The following LITAF variants were observed in gnomAD, a reference collection of about 807,000 sequenced individuals.
LITAF encodes lipopolysaccharide-induced tumor necrosis factor-alpha factor.
In LITAF, 9 loss-of-function variants were observed where a neutral mutation model predicts 14.5. That is an observed-to-expected ratio of 0.62 (90% confidence interval 0.37 to 1.08). The LOEUF (loss-of-function observed/expected upper bound fraction) is 1.08. LITAF is among the 50% of genes least tolerant of loss of function. The pLI, the probability that LITAF is intolerant of heterozygous loss-of-function variation, is 0.01. For missense variants in LITAF, 206 were observed against 213.4 expected (o/e 0.97, Z 0.22); for synonymous variants, 98 against 88.2 (o/e 1.11, Z -0.62).
At chr16:11,624,602 T>C (rs2065072202) in intron 3 of LITAF, among the ~76,000 whole-genome samples, 1 of 152,232 alleles carries the variant, frequency 6.6e-6, no homozygotes, top group Non-Finnish European at 1.5e-5. Context: ...GTTGCACAGG[T>C]TGTGCACTGC....
At chr16:11,621,377 A>G (rs2065050211) in intron 3 of LITAF, among the ~76,000 whole-genome samples, 1 of 151,360 alleles carries the variant, frequency 6.6e-6, no homozygotes, top group Non-Finnish European at 1.5e-5. Context: ...GCCAATTTTT[A>G]TATGTTTTGC....
chr16:11,638,479 C>A (rs1041922238), upstream of LITAF, among the ~76,000 whole-genome samples: 3 of 151,716 alleles, frequency 2.0e-5, no homozygotes, highest in African/African-American at 7.3e-5. Flanking sequence ...GAGGCAGGCG[C>A]ATCACGAGAT....
chr16:11,596,043 T>C (rs2064883039), intron 1 of LITAF, among the ~76,000 whole-genome samples: 2 of 152,158 alleles, frequency 1.3e-5, no homozygotes. Flanking sequence ...GGACAGTCCC[T>C]GGTCACCGTC....
chr16:11,552,186 C>CA (rs1220817958), intron 3 of LITAF, among the ~76,000 whole-genome samples: 1 of 152,192 alleles, frequency 6.6e-6, no homozygotes, highest in African/African-American at 2.4e-5. Flanking sequence ...CTGAAACTCA[C>CA]AAACACCGTT....
At position 11,556,175 on chromosome 16, in the gene LITAF, G is replaced by A. The variant is rs138357390; in HGVS notation, c.220+336C>T. 1.1e-3 allele frequency: 519 copies of A among 458,674 alleles called. 2 individuals are homozygous for A. Among genetic ancestry groups the A allele is most frequent in the African/African-American group, 7.2e-3 (368 of 51,162 alleles). 28.4% of individuals were successfully genotyped at this position (458,674 alleles called of 1,614,324 possible). On this transcript the variant is annotated intron_variant, in intron 2 of 3. Coordinates refer to ENST00000622633, the MANE Select transcript of LITAF (RefSeq NM_001136472.2). ...CCTCGGCCCTGGCCTCAGGGCAGAA[G>A]TTCTGCATCAGACCTCAGGAGGAAG...
At chr16:11,576,235 G>C (rs565524917) in intron 1 of LITAF, among the ~76,000 whole-genome samples, 219 of 152,140 alleles carry the variant, frequency 1.4e-3, no homozygotes, top group African/African-American at 5.0e-3. Context: ...TTGGGAGGCC[G>C]AGGCGGGTGA....
Position 11,549,317 on chromosome 16 carries a change from T to C in LITAF, c.*320A>G. ...GGAAGCAGGAAAAAAGAGCCACTGATGGCAGATCACAGGAAGATATTCGGA... is the reference window on the plus strand; with the variant it reads ...GGAAGCAGGAAAAAAGAGCCACTGACGGCAGATCACAGGAAGATATTCGGA... On this transcript the variant is annotated 3_prime_UTR_variant, in exon 4 of 4. Coordinates refer to ENST00000622633, the MANE Select transcript of LITAF (RefSeq NM_001136472.2). The surrounding 1 kb of genome is among the most constrained non-coding windows in gnomAD (Gnocchi z 4.6). 2.2e-6 allele frequency: 1 copy of C among 457,392 alleles called. No homozygotes were observed. 28.3% of individuals were successfully genotyped at this position (457,392 alleles called of 1,614,324 possible).
At chr16:11,631,908 A>G (rs8047735) in intron 3 of LITAF, among the ~76,000 whole-genome samples, 74,874 of 149,850 alleles carry the variant, frequency 0.5, 22,001 homozygotes, top group African/African-American at 0.83. Context: ...GGAGTGCAAC[A>G]GCACAATCTC....
At chr16:11,585,440 G>A (rs2064792328) in intron 1 of LITAF, among the ~76,000 whole-genome samples, 1 of 152,144 alleles carries the variant, frequency 6.6e-6, no homozygotes, top group Non-Finnish European at 1.5e-5. Flanking sequence ...TGCACATTTA[G>A]TTCCCAGAGC....
At chr16:11,574,392 G>A (rs1046111432) in intron 1 of LITAF, among the ~76,000 whole-genome samples, 1 of 152,118 alleles carries the variant, frequency 6.6e-6, no homozygotes, top group South Asian at 2.1e-4. Flanking sequence ...GCATACATAA[G>A]AAACTTAACG....
intron 3 of LITAF, among the ~76,000 whole-genome samples, chr16:11,604,329 T>G (rs1461069546): frequency 6.6e-6 from 1 of 152,212 alleles, no homozygotes; most frequent in African/African-American, 2.4e-5. Flanking sequence ...CATGAGCCCC[T>G]GTGAAGCAAG....
intron 3 of LITAF, among the ~76,000 whole-genome samples, chr16:11,628,819 G>A (rs1281769212): frequency 1.3e-5 from 2 of 152,120 alleles, no homozygotes; most frequent in Admixed American, 1.3e-4. Context: ...TGGGATTTCA[G>A]GCGCACACCA....
chr16:11,636,874 C>CTT (rs58560112), upstream of LITAF, among the ~76,000 whole-genome samples: 3 of 144,462 alleles, frequency 2.1e-5, no homozygotes, highest in Non-Finnish European at 3.1e-5. Context: ...ATTTATTTTT[C>CTT]TTTTTTTTTT....
rs1039153354 is a variant in LITAF at position 11,634,306 on chromosome 16, T to G, written c.-20-669A>C. 2.6e-5 allele frequency among the ~76,000 whole-genome samples: 4 copies of G among 152,210 alleles called. No individual in the cohort carries two copies. The highest frequency in any genetic ancestry group is 9.7e-5 in the African/African-American group (4 of 41,446). ...ACTCTGGGGAACATTTAGTTTACAG[T>G]TTAAGTGATACTTTTGTTTTTAGTG... On this transcript the variant is annotated intron_variant, in intron 2 of 3. Coordinates refer to the LITAF transcript ENST00000574848. This position sits in a 1 kb window ranked among gnomAD's most constrained non-coding sequence, Gnocchi z 4.1.
intron 3 of LITAF, among the ~76,000 whole-genome samples, chr16:11,552,759 C>T (rs914902070): frequency 2.6e-5 from 4 of 152,080 alleles, no homozygotes; most frequent in East Asian, 1.9e-4. Flanking sequence ...TAGCATTAAG[C>T]GGGTGGGGGC....
intron 1 of LITAF, chr16:11,561,026 A>G (rs1420083363): frequency 6.6e-6 from 1 of 152,204 alleles, no homozygotes. Context: ...AAAGGGAACG[A>G]CAGGGCACCC....
chr16:11,576,689 A>G (rs6498227), intron 1 of LITAF, among the ~76,000 whole-genome samples: 116,553 of 152,044 alleles, frequency 0.77, 45,383 homozygotes, highest in African/African-American at 0.89. Context: ...ACAATTTGCT[A>G]CTTCAAAGCC....
chr16:11,575,247 CA>C (rs2064613357), intron 1 of LITAF, among the ~76,000 whole-genome samples: 1 of 152,130 alleles, frequency 6.6e-6, no homozygotes, highest in South Asian at 2.1e-4. Context: ...AGTCAACCAA[CA>C]GGGGCAGATG....
At chr16:11,598,779 G>C (rs922518240), upstream of LITAF, among the ~76,000 whole-genome samples, 4 of 152,074 alleles carry the variant, frequency 2.6e-5, no homozygotes, top group African/African-American at 9.7e-5. Flanking sequence ...TCATGACAAT[G>C]AGATAAAGCA....
Sources: gnomAD v4.1 joint callset for allele counts (sites outside exome capture counted in the v4.1 genomes callset) on GRCh38, gnomAD v4.1.1 for gene constraint, Gnocchi (gnomAD v3.1) non-coding constraint, MANE v1.5 for transcripts, NCBI Gene and HGNC (gene_info 2026-07-23, HGNC 2026-07-21) for gene names.